PDE12: variants seen among roughly 807,000 people sequenced by gnomAD.
The protein encoded by PDE12 is phosphodiesterase 12, also known as 2',5'-phosphodiesterase 12.
In PDE12, 26 loss-of-function variants were observed where a neutral mutation model predicts 45.4. The observed-to-expected ratio is 0.57, with a 90% CI of 0.42 to 0.79. PDE12 has a LOEUF of 0.79. Ranked by LOEUF, PDE12 falls within the 30% of genes least tolerant of loss-of-function variation. The probability of loss-of-function intolerance (pLI) is 0.00; values close to 1 mark genes in which losing one functional copy is unlikely to be tolerated. For missense variants in PDE12, 668 were observed against 790.0 expected, an observed-to-expected ratio of 0.85 and a Z score of 1.85; for synonymous variants, 283 against 323.9, an observed-to-expected ratio of 0.87 and a Z score of 1.36.
the PDE12 span, among the ~76,000 whole-genome samples, chr3:57,618,348 CA>C: frequency 6.6e-6 from 1 of 152,194 alleles, no homozygotes; most frequent in African/African-American, 2.4e-5. Context: ...ATCATATTTA[CA>C]AATTTAAAAG....
chr3:57,601,173 G>A, the PDE12 span, among the ~76,000 whole-genome samples: 8 of 151,522 alleles, frequency 5.3e-5, no homozygotes, highest in African/African-American at 1.2e-4. Context: ...GCAGTGGGGC[G>A]ATCTTGGCTC....
chr3:57,568,687 C>A (rs529711220), downstream of PDE12, among the ~76,000 whole-genome samples: 1 of 151,018 alleles, frequency 6.6e-6, no homozygotes, highest in South Asian at 2.1e-4. Flanking sequence ...TCCCAAAGTG[C>A]TGGGATTACA....
At chr3:57,634,439 A>C in the PDE12 span, 1 of 459,030 alleles carries the variant, frequency 2.2e-6, no homozygotes. Context: ...TCTCCCAAAA[A>C]AAAAAAAAAA....
chr3:57,572,622 G>GC, the PDE12 span, among the ~76,000 whole-genome samples: 52 of 152,266 alleles, frequency 3.4e-4, no homozygotes, highest in African/African-American at 1.3e-3. Context: ...GTTGCAGTGA[G>GC]CCGAGGCTGT....
At chr3:57,609,579 A>T in the PDE12 span, among the ~76,000 whole-genome samples, 1 of 152,174 alleles carries the variant, frequency 6.6e-6, no homozygotes, top group South Asian at 2.1e-4. Context: ...AGAAATACAA[A>T]CTACCATCAG....
the PDE12 span, chr3:57,572,437 T>C: frequency 1.6e-6 from 1 of 619,628 alleles, no homozygotes. Context: ...AAGCTACTTC[T>C]GGCTGGGCGT....
chr3:57,587,250 C>T, the PDE12 span, among the ~76,000 whole-genome samples: 3 of 139,602 alleles, frequency 2.1e-5, no homozygotes, highest in Non-Finnish European at 4.5e-5. Context: ...ACCCAGGAGG[C>T]GGATGTTGCA....
chr3:57,633,322 T>C, the PDE12 span: 1 of 1,613,884 alleles, frequency 6.2e-7, no homozygotes. Context: ...GAATAACACT[T>C]TGAGCCTCAG....
At chr3:57,635,785 G>T in the PDE12 span, among the ~76,000 whole-genome samples, 1 of 152,114 alleles carries the variant, frequency 6.6e-6, no homozygotes, top group African/African-American at 2.4e-5. Context: ...AAGTACAGTT[G>T]AACATTGAAC....
rs762714593 is a variant in PDE12 at position 57,562,953 on chromosome 3, GC to G, written c.*2951del. On this transcript the variant is annotated 3_prime_UTR_variant, in exon 3 of 3. Coordinates refer to ENST00000311180, the MANE Select transcript of PDE12 (RefSeq NM_177966.7). Reference sequence around the variant, plus strand: ...CAGTCTGGAGATAGATTTCTGAGGAGCCTAATACAAGGGAGAGAATGTCCAA... The same window carrying G: ...CAGTCTGGAGATAGATTTCTGAGGAGCTAATACAAGGGAGAGAATGTCCAA... The G allele has an allele frequency of 1.3e-5, 2 of 152,144 alleles. No individual in the cohort carries two copies. Among genetic ancestry groups the G allele is most frequent in the Non-Finnish European group, 2.9e-5 (2 of 68,032 alleles). The allele number at this position is 152,144 out of a possible 1,614,324, so 9.4% of individuals were successfully genotyped here.
chr3:57,575,794 C>T, the PDE12 span: 2 of 1,086,288 alleles, frequency 1.8e-6, no homozygotes, highest in Middle Eastern at 2.3e-4. Flanking sequence ...AATTTCTCGA[C>T]ACAAAGTTCA....
chr3:57,631,305 T>G, the PDE12 span: 4 of 201,440 alleles, frequency 2.0e-5, no homozygotes, highest in Non-Finnish European at 4.0e-5. Flanking sequence ...CAAGCGATTC[T>G]CCCGCCTCAG....
At chr3:57,646,078 G>A in the PDE12 span, among the ~76,000 whole-genome samples, 1 of 152,152 alleles carries the variant, frequency 6.6e-6, no homozygotes, top group Non-Finnish European at 1.5e-5. Flanking sequence ...GAATCAATGT[G>A]CCTGCCACTC....
the PDE12 span, chr3:57,584,513 A>G: frequency 6.9e-7 from 1 of 1,449,752 alleles, no homozygotes; most frequent in South Asian, 1.2e-5. Context: ...AGCACACTCC[A>G]AGAAATAATT....
the PDE12 span, among the ~76,000 whole-genome samples, chr3:57,656,374 T>C: frequency 1.2e-3 from 190 of 152,352 alleles, no homozygotes; most frequent in Non-Finnish European, 2.0e-3. Context: ...TTTTAACTGC[T>C]GAATAGTATT....
chr3:57,650,695 T>C, the PDE12 span, among the ~76,000 whole-genome samples: 5 of 151,970 alleles, frequency 3.3e-5, no homozygotes, highest in African/African-American at 1.2e-4. Flanking sequence ...ATGTGGACAG[T>C]AGCATTATTC....
rs1031653273 is a variant in PDE12, at chr3:57,563,861, G to A, written c.*3857G>A. The A allele has an allele frequency of 6.6e-6, 1 of 152,250 alleles. No homozygotes were observed. The highest frequency in any genetic ancestry group is 2.4e-5 in the African/African-American group (1 of 41,422). 9.4% of individuals were successfully genotyped at this position (152,250 alleles called of 1,614,324 possible). On this transcript the variant is annotated 3_prime_UTR_variant, in exon 3 of 3. Transcript: ENST00000311180. Reference sequence around the variant, plus strand: ...ATCAAGGTGCGCTGCACTCCAGCCTGGGTAATAGAGCAAGACCCTGTCTTC... The same window carrying A: ...ATCAAGGTGCGCTGCACTCCAGCCTAGGTAATAGAGCAAGACCCTGTCTTC...
chr3:57,641,121 C>G, the PDE12 span, among the ~76,000 whole-genome samples: 2 of 146,154 alleles, frequency 1.4e-5, no homozygotes, highest in African/African-American at 5.0e-5. Context: ...TATTGGGCTT[C>G]TATATATATA....
At chr3:57,596,098 A>G in the PDE12 span, among the ~76,000 whole-genome samples, 1 of 152,212 alleles carries the variant, frequency 6.6e-6, no homozygotes, top group Non-Finnish European at 1.5e-5. Context: ...GACTGCTTAC[A>G]GTAACCGGGA....
Sources: gnomAD v4.1 joint callset for allele counts (sites outside exome capture counted in the v4.1 genomes callset) on GRCh38, gnomAD v4.1.1 for gene constraint, MANE v1.5 for transcripts, NCBI Gene and HGNC (gene_info 2026-07-23, HGNC 2026-07-21) for gene names.